Variants in SEMA3C observed in about 807,000 individuals in gnomAD.
SEMA3C encodes the protein semaphorin 3C.
In SEMA3C, 47 loss-of-function variants were observed where a neutral mutation model predicts 89.4. The observed-to-expected ratio is 0.53, with a 90% CI of 0.42 to 0.67. The LOEUF is 0.67. Ranked by LOEUF, SEMA3C falls within the 30% of genes least tolerant of loss-of-function variation. The pLI is 0.00. For synonymous variants in SEMA3C, 310 were observed against 320.2 expected, an observed-to-expected ratio of 0.97 and a Z score of 0.34; for missense variants, 839 against 929.1, an observed-to-expected ratio of 0.90 and a Z score of 1.26.
Position 80,916,729 on chromosome 7 carries a change from C to T in SEMA3C, c.53G>A (p.Cys18Tyr). 6.2e-7 allele frequency: 1 copy of T among 1,613,654 alleles called. No individual in the cohort carries two copies. Among genetic ancestry groups the T allele is most frequent in the Non-Finnish European group, 8.5e-7 (1 of 1,179,774 alleles). The change falls in exon 2 of 18, where the codon TGT (cysteine) becomes TAT (tyrosine). Residue 18 changes from cysteine (C) to tyrosine (Y), a missense_variant. Physicochemically the swap from Cys to Tyr is radical, Grantham distance 194. Coordinates refer to ENST00000265361, the MANE Select transcript of SEMA3C (RefSeq NM_006379.5). ...TTGGGGCTGGGAAGATCCTTTCACA[C>T]AGATAGAACAAATAAATACTCCAAC... ...VLVGVFICSI[C>Y]VKGSSQPQAR...
At chr7:80,878,677 T>G (rs904626576) in intron 2 of SEMA3C, among the ~76,000 whole-genome samples, 5 of 152,042 alleles carry the variant, frequency 3.3e-5, no homozygotes, top group African/African-American at 9.7e-5. Flanking sequence ...AGGTGTCCAG[T>G]ACACCTAATA....
intron 4 of SEMA3C, among the ~76,000 whole-genome samples, chr7:80,822,280 TA>T (rs1789767023): frequency 6.6e-6 from 1 of 151,998 alleles, no homozygotes; most frequent in Admixed American, 6.6e-5. Context: ...AATGCTGATC[TA>T]GGGGTAAAGA....
intron 12 of SEMA3C, among the ~76,000 whole-genome samples, chr7:80,785,033 AT>A (rs1788770719): frequency 1.3e-5 from 2 of 151,722 alleles, no homozygotes; most frequent in Non-Finnish European, 2.9e-5. Context: ...TCCTCCCTCC[AT>A]TTTTTCCTTT....
At chr7:80,772,554 T>C (rs1788457338) in intron 12 of SEMA3C, among the ~76,000 whole-genome samples, 1 of 152,176 alleles carries the variant, frequency 6.6e-6, no homozygotes, top group African/African-American at 2.4e-5. Context: ...ATCGAGGGCA[T>C]CTCAAGTGTC....
chr7:80,891,422 A>G (rs2116150833), intron 2 of SEMA3C, among the ~76,000 whole-genome samples: 1 of 152,118 alleles, frequency 6.6e-6, no homozygotes, highest in African/African-American at 2.4e-5. Flanking sequence ...GGAAGAGCTT[A>G]TCTTCTCCAT....
rs1463382200 is a variant in SEMA3C at position 80,884,866 on chromosome 7, T to C, written c.103+31813A>G. ...AGGTTGTGATAATATGTTGACGGTG[T>C]AGGAACACTGTGTAAAGAACTGGAG... On this transcript the variant is annotated intron_variant, in intron 2 of 17. Coordinates refer to ENST00000265361, the MANE Select transcript of SEMA3C (RefSeq NM_006379.5). Among the ~76,000 whole-genome samples the C allele has an allele frequency of 3.3e-5, 5 of 152,224 alleles. No homozygotes were observed. The South Asian group carries it at 1.0e-3, about 32-fold the overall frequency.
intron 12 of SEMA3C, among the ~76,000 whole-genome samples, chr7:80,768,838 G>A (rs992928171): frequency 1.4e-4 from 22 of 152,198 alleles, no homozygotes; most frequent in South Asian, 1.2e-3. Flanking sequence ...GTGCATATAC[G>A]TTCCTGTTGA....
chr7:80,753,575 C>T (rs1177746994), intron 15 of SEMA3C, among the ~76,000 whole-genome samples: 3 of 152,114 alleles, frequency 2.0e-5, no homozygotes, highest in Admixed American at 6.5e-5. Context: ...GCCATCTGAG[C>T]ATTTTTTATG....
At chr7:80,829,404 T>A (rs766742994) in intron 2 of SEMA3C, among the ~76,000 whole-genome samples, 3 of 152,078 alleles carry the variant, frequency 2.0e-5, no homozygotes, top group African/African-American at 7.2e-5. Flanking sequence ...CCAACAGCAG[T>A]GTGATTGTCT....
intron 4 of SEMA3C, among the ~76,000 whole-genome samples, chr7:80,822,270 A>G (rs1044015514): frequency 6.6e-6 from 1 of 152,164 alleles, no homozygotes; most frequent in Non-Finnish European, 1.5e-5. Flanking sequence ...GGCATTAAGT[A>G]ATGCTGATCT....
chr7:80,867,682 G>A (rs1456690080), intron 2 of SEMA3C, among the ~76,000 whole-genome samples: 1 of 151,742 alleles, frequency 6.6e-6, no homozygotes, highest in East Asian at 1.9e-4. Context: ...CTGGGTGAAA[G>A]TTTATCATTT....
intron 15 of SEMA3C, among the ~76,000 whole-genome samples, chr7:80,757,053 A>G (rs913109637): frequency 6.6e-6 from 1 of 152,168 alleles, no homozygotes; most frequent in African/African-American, 2.4e-5. Context: ...ATTTCCAGTG[A>G]AAATATTTGT....
chr7:80,859,272 T>C (rs920221342), intron 2 of SEMA3C, among the ~76,000 whole-genome samples: 3 of 152,200 alleles, frequency 2.0e-5, no homozygotes, highest in Admixed American at 2.0e-4. Context: ...CATATTTATA[T>C]AACTTTTTGT....
rs145738548 is a variant in SEMA3C at position 80,869,539 on chromosome 7, T to C, written c.104-40794A>G. ...TTTTCCAGAACTCACAACAGAGCCA[T>C]TCAGGGTTAATGGGAAAGGAATTCA... is the stretch of plus-strand genomic sequence containing the variant. On this transcript the variant is annotated intron_variant, in intron 2 of 17. Transcript: ENST00000265361. Among the ~76,000 whole-genome samples the C allele has an allele frequency of 3.7e-3, 570 of 152,292 alleles. 3 individuals are homozygous for C. The highest frequency in any genetic ancestry group is 0.013 in the African/African-American group (534 of 41,570).
chr7:80,851,031 C>T (rs1790498639), intron 2 of SEMA3C, among the ~76,000 whole-genome samples: 1 of 152,092 alleles, frequency 6.6e-6, no homozygotes, highest in Non-Finnish European at 1.5e-5. Context: ...GAGACCACCT[C>T]CCTCCGATCT....
chr7:80,818,947 T>C (rs1260437775), intron 4 of SEMA3C, among the ~76,000 whole-genome samples: 2 of 152,220 alleles, frequency 1.3e-5, no homozygotes, highest in East Asian at 3.9e-4. Flanking sequence ...AAACATTTAC[T>C]GATTACCTAC....
chr7:80,885,218 T>C (rs1791446704), intron 2 of SEMA3C, among the ~76,000 whole-genome samples: 1 of 152,188 alleles, frequency 6.6e-6, no homozygotes, highest in African/African-American at 2.4e-5. Flanking sequence ...CTAATACCTT[T>C]TTTTGTTTGT....
intron 12 of SEMA3C, among the ~76,000 whole-genome samples, chr7:80,783,067 C>T (rs892876550): frequency 1.3e-5 from 2 of 151,988 alleles, no homozygotes; most frequent in Non-Finnish European, 2.9e-5. Flanking sequence ...TTTATACAAT[C>T]ATTACATGAG....
In SEMA3C at chr7:80,798,137, C is replaced by G. The variant is rs776597652; in HGVS notation, c.1086G>C (p.Gln362His). Residue 362 changes from glutamine (Q) to histidine (H), a missense_variant, in exon 11 of 18, where the codon CAG (glutamine) becomes CAC (histidine). Transcript: ENST00000265361. Reference protein sequence around the residue: ...PFAHKEGPNHQLISYQGRIPY... With the variant: ...PFAHKEGPNHHLISYQGRIPY... The stretch of plus-strand genomic sequence containing the variant: ...GAATTCTGCCCTGATAGGAAATCAG[C>G]TGATGATTGGGCCCTTCTTTGTGGG... 12 of 1,608,064 alleles carry G rather than the reference C, an allele frequency of 7.5e-6. No homozygotes were observed. The highest frequency in any genetic ancestry group is 7.6e-6 in the Non-Finnish European group (9 of 1,177,638).
Sources: allele counts gnomAD v4.1 joint callset (sites outside exome capture counted in the v4.1 genomes callset), GRCh38; gene constraint gnomAD v4.1.1; transcripts MANE v1.5; gene names NCBI Gene and HGNC (gene_info 2026-07-23, HGNC 2026-07-21).